NCALD: variants seen among roughly 807,000 people sequenced by gnomAD.
NCALD encodes neurocalcin-delta.
Under a neutral mutation model 18.6 loss-of-function variants are expected in NCALD, and 10 were observed. That is an observed-to-expected ratio of 0.54 (90% confidence interval 0.33 to 0.91). NCALD has a LOEUF of 0.91. Among genes scored for constraint, NCALD ranks in the 40% least tolerant of loss-of-function variants. The pLI is 0.03. For missense variants in NCALD, 184 were observed against 247.6 expected (o/e 0.74, Z 1.72); for synonymous variants, 88 against 87.4 (o/e 1.01, Z -0.04).
chr8:101,934,203 C>T (rs1818675429), intron 2 of NCALD, among the ~76,000 whole-genome samples: 1 of 152,116 alleles, frequency 6.6e-6, no homozygotes, highest in African/African-American at 2.4e-5. Context: ...TTTATTACCA[C>T]ATAATGTGTG....
intron 4 of NCALD, among the ~76,000 whole-genome samples, chr8:101,867,257 C>A (rs1377898800): frequency 6.6e-6 from 1 of 152,132 alleles, no homozygotes; most frequent in East Asian, 1.9e-4. Flanking sequence ...TTCAATTTTC[C>A]TAGTTTTTTT....
chr8:101,746,773 A>C (rs1322164593), intron 1 of NCALD, among the ~76,000 whole-genome samples: 1 of 151,936 alleles, frequency 6.6e-6, no homozygotes, highest in Non-Finnish European at 1.5e-5. Flanking sequence ...ATAAATGTAA[A>C]TTTTACATAG....
At chr8:101,841,874 G>GAT (rs1287638959) in intron 4 of NCALD, among the ~76,000 whole-genome samples, 5 of 151,986 alleles carry the variant, frequency 3.3e-5, no homozygotes, top group Admixed American at 6.6e-5. Context: ...ACCCCTTGGA[G>GAT]ATATATATAT....
At chr8:101,767,882 C>A (rs529366956) in intron 1 of NCALD, among the ~76,000 whole-genome samples, 112 of 152,328 alleles carry the variant, frequency 7.4e-4, no homozygotes, top group African/African-American at 2.7e-3. Flanking sequence ...TTGTTCTCTG[C>A]AGGTTAGAGC....
intron 4 of NCALD, among the ~76,000 whole-genome samples, chr8:101,858,815 C>A (rs1226763759): frequency 6.6e-6 from 1 of 152,014 alleles, no homozygotes; most frequent in Non-Finnish European, 1.5e-5. Context: ...TAGTATAGTG[C>A]ACTTAATTAT....
chr8:101,720,147 T>G (rs1466495888), intron 1 of NCALD, among the ~76,000 whole-genome samples: 1 of 152,172 alleles, frequency 6.6e-6, no homozygotes, highest in African/African-American at 2.4e-5. Flanking sequence ...AAATGCTGCT[T>G]GGATACCTTC....
At chr8:101,705,517 G>A (rs148016155) in intron 2 of NCALD, among the ~76,000 whole-genome samples, 146 of 152,178 alleles carry the variant, frequency 9.6e-4, no homozygotes, top group Non-Finnish European at 3.5e-4. Flanking sequence ...TGCCTTTCTC[G>A]AGGTAAACTC....
chr8:101,884,484 A>G (rs1397941726), intron 4 of NCALD, among the ~76,000 whole-genome samples: 1 of 152,192 alleles, frequency 6.6e-6, no homozygotes, highest in Non-Finnish European at 1.5e-5. Flanking sequence ...AACATAATCT[A>G]TTACCAAATA....
chr8:102,019,929 T>C (rs1822215484), intron 2 of NCALD, among the ~76,000 whole-genome samples: 1 of 152,164 alleles, frequency 6.6e-6, no homozygotes, highest in Non-Finnish European at 1.5e-5. Flanking sequence ...AAGGTGATAA[T>C]GAATATTTTA....
intron 2 of NCALD, among the ~76,000 whole-genome samples, chr8:101,925,533 T>G: frequency 6.6e-6 from 1 of 152,186 alleles, no homozygotes; most frequent in Admixed American, 6.5e-5. Flanking sequence ...CTTGGCTCAT[T>G]AGCACCATTG....
chr8:102,014,852 AG>A (rs1263019303), intron 2 of NCALD, among the ~76,000 whole-genome samples: 1 of 152,216 alleles, frequency 6.6e-6, no homozygotes, highest in Non-Finnish European at 1.5e-5. Context: ...TAGACATTCT[AG>A]TACACAAGAA....
intron 1 of NCALD, among the ~76,000 whole-genome samples, chr8:101,734,871 C>T (rs1330374228): frequency 6.6e-6 from 1 of 152,216 alleles, no homozygotes; most frequent in Non-Finnish European, 1.5e-5. Context: ...GTTCCTTAAG[C>T]AGAATCTGCA....
chr8:102,031,458 C>G (rs1822666891), intron 1 of NCALD, among the ~76,000 whole-genome samples: 1 of 152,148 alleles, frequency 6.6e-6, no homozygotes, highest in African/African-American at 2.4e-5. Context: ...ACAGAAGAGA[C>G]TTCTAGGGAG....
intron 2 of NCALD, among the ~76,000 whole-genome samples, chr8:101,963,100 G>T (rs1254274000): frequency 6.6e-6 from 1 of 152,100 alleles, no homozygotes; most frequent in Non-Finnish European, 1.5e-5. Flanking sequence ...CAAAATTCCT[G>T]AAAATTTAAC....
chr8:102,053,233 T>A (rs1293660989), intron 1 of NCALD, among the ~76,000 whole-genome samples: 1 of 152,204 alleles, frequency 6.6e-6, no homozygotes, highest in Non-Finnish European at 1.5e-5. Flanking sequence ...GAAGAAATCT[T>A]GATTTTTTTA....
chr8:101,874,918 G>A (rs913834744), intron 4 of NCALD, among the ~76,000 whole-genome samples: 2 of 152,198 alleles, frequency 1.3e-5, no homozygotes, highest in African/African-American at 4.8e-5. Context: ...GAAAGAGAAA[G>A]GAGAGGAATC....
At chr8:101,947,942 G>A (rs1165758452) in intron 2 of NCALD, among the ~76,000 whole-genome samples, 1 of 152,196 alleles carries the variant, frequency 6.6e-6, no homozygotes, top group Non-Finnish European at 1.5e-5. Flanking sequence ...TACAATGGCT[G>A]TAGAAAAAAG....
At chr8:102,110,195 CA>C (rs1393406286) in intron 1 of NCALD, among the ~76,000 whole-genome samples, 1 of 152,090 alleles carries the variant, frequency 6.6e-6, no homozygotes, top group African/African-American at 2.4e-5. Context: ...CTCTTGTTAT[CA>C]CAACCATATA....
At chr8:101,727,192 G>T (rs1455026746) in intron 1 of NCALD, among the ~76,000 whole-genome samples, 1 of 152,150 alleles carries the variant, frequency 6.6e-6, no homozygotes, top group Non-Finnish European at 1.5e-5. Flanking sequence ...CCACCCAACT[G>T]CTCTCTCTAA....
Sources: allele counts gnomAD v4.1 joint callset (sites outside exome capture counted in the v4.1 genomes callset), GRCh38; gene constraint gnomAD v4.1.1; transcripts MANE v1.5; gene names NCBI Gene and HGNC (gene_info 2026-07-23, HGNC 2026-07-21).